Variants in DPYD observed in about 807,000 individuals in gnomAD.
DPYD encodes the protein dihydropyrimidine dehydrogenase, also known as dihydropyrimidine dehydrogenase [NADP(+)].
DPYD carries 109 observed loss-of-function variants against 116.2 expected under a neutral mutation model. The observed-to-expected ratio is 0.94, with a 90% confidence interval of 0.80 to 1.10. The LOEUF (loss-of-function observed/expected upper bound fraction) is 1.10, where lower values mean the gene tolerates loss of function less well. Among genes scored for constraint, DPYD ranks in the 50% least tolerant of loss-of-function variants. The pLI, the probability that DPYD is intolerant of heterozygous loss-of-function variation, is 0.00. For missense variants in DPYD, 1,302 were observed against 1,254.5 expected (o/e 1.04, Z -0.57); for synonymous variants, 440 against 432.0 (o/e 1.02, Z -0.23).
intron 16 of DPYD, among the ~76,000 whole-genome samples, chr1:97,364,038 GATATCT>G (rs562655220): frequency 2.6e-4 from 39 of 152,110 alleles, no homozygotes; most frequent in Middle Eastern, 3.4e-3. Flanking sequence ...AGTATTCCAT[GATATCT>G]ATATCTATAT....
intron 12 of DPYD, among the ~76,000 whole-genome samples, chr1:97,548,573 C>T (rs904668489): frequency 6.6e-6 from 1 of 151,892 alleles, no homozygotes; most frequent in East Asian, 1.9e-4. Context: ...CCCATCTCTA[C>T]TAAAAATACA....
At chr1:97,779,853 A>G (rs890947625) in intron 3 of DPYD, among the ~76,000 whole-genome samples, 1 of 151,936 alleles carries the variant, frequency 6.6e-6, no homozygotes, top group Non-Finnish European at 1.5e-5. Flanking sequence ...ACTAGAACCA[A>G]CTCTAACTTT....
At chr1:97,344,735 G>T (rs540405213) in intron 16 of DPYD, among the ~76,000 whole-genome samples, 1 of 151,822 alleles carries the variant, frequency 6.6e-6, no homozygotes, top group South Asian at 2.1e-4. Flanking sequence ...GTTACTCAAC[G>T]TTCTTTAAGG....
At chr1:97,476,733 A>C (rs138471800) in intron 13 of DPYD, among the ~76,000 whole-genome samples, 1 of 152,078 alleles carries the variant, frequency 6.6e-6, no homozygotes, top group South Asian at 2.1e-4. Flanking sequence ...CAACAAAAAT[A>C]CTAAAAAAAA....
chr1:97,476,730 A>C (rs1291959119), intron 13 of DPYD, among the ~76,000 whole-genome samples: 2 of 152,126 alleles, frequency 1.3e-5, no homozygotes, highest in Non-Finnish European at 2.9e-5. Context: ...TCGCAACAAA[A>C]ATACTAAAAA....
intron 11 of DPYD, among the ~76,000 whole-genome samples, chr1:97,567,607 C>A (rs957316202): frequency 6.6e-6 from 1 of 152,048 alleles, no homozygotes; most frequent in Non-Finnish European, 1.5e-5. Context: ...ATGCTGAGTC[C>A]CTCACCATTC....
chr1:97,282,381 C>T (rs1474704643), intron 18 of DPYD, among the ~76,000 whole-genome samples: 3 of 151,892 alleles, frequency 2.0e-5, no homozygotes, highest in Admixed American at 6.6e-5. Context: ...TTTATCTTTA[C>T]AAAGCTTTCC....
chr1:97,723,478 C>G (rs184265599), intron 4 of DPYD, among the ~76,000 whole-genome samples: 1 of 151,648 alleles, frequency 6.6e-6, no homozygotes, highest in Non-Finnish European at 1.5e-5. Context: ...TACACACACA[C>G]ACAAAAGTTC....
In DPYD at chr1:97,142,654, TA is replaced by T. The variant is rs550609044; in HGVS notation, c.2623-44023del. 7.4e-3 allele frequency among the ~76,000 whole-genome samples: 1,120 copies of T among 152,244 alleles called. 17 individuals carry two copies. Among genetic ancestry groups the T allele is most frequent in the African/African-American group, 0.025 (1,029 of 41,576 alleles). On this transcript the variant is annotated intron_variant, in intron 20 of 22. Transcript: ENST00000370192. ...TATAAAACTTTACATAATAATCTGT[TA>T]TTTTTTTTTACAGAAAAATAGCAAT...
chr1:97,821,546 C>CTA (rs1459321559), intron 3 of DPYD, among the ~76,000 whole-genome samples: 3 of 152,178 alleles, frequency 2.0e-5, no homozygotes, highest in South Asian at 2.1e-4. Flanking sequence ...CATTATCATA[C>CTA]TATAAACCAG....
intron 13 of DPYD, among the ~76,000 whole-genome samples, chr1:97,460,579 C>T (rs1037089802): frequency 6.6e-5 from 10 of 152,212 alleles, no homozygotes; most frequent in Admixed American, 2.0e-4. Context: ...TCTCTCTGGC[C>T]TTCTCCCAGC....
chr1:97,155,040 CT>C (rs1321684014), intron 20 of DPYD, among the ~76,000 whole-genome samples: 1 of 152,170 alleles, frequency 6.6e-6, no homozygotes, highest in Non-Finnish European at 1.5e-5. Flanking sequence ...GCTATAAAGG[CT>C]GTCTGAACTT....
At chr1:97,810,397 A>G (rs1668298615) in intron 3 of DPYD, among the ~76,000 whole-genome samples, 1 of 151,974 alleles carries the variant, frequency 6.6e-6, no homozygotes, top group African/African-American at 2.4e-5. Context: ...TTAAATAATT[A>G]TATAGCATAT....
At chr1:97,900,402 G>C (rs1427388924) in intron 1 of DPYD, among the ~76,000 whole-genome samples, 1 of 151,820 alleles carries the variant, frequency 6.6e-6, no homozygotes, top group Admixed American at 6.6e-5. Flanking sequence ...GGTCAACTAG[G>C]TATGGGAAGG....
intron 4 of DPYD, among the ~76,000 whole-genome samples, chr1:97,732,473 C>CAA (rs751262032): frequency 2.0e-4 from 11 of 55,094 alleles, no homozygotes; most frequent in African/African-American, 4.0e-4. Context: ...GACTCCATCT[C>CAA]AAAAAAAAAA....
intron 18 of DPYD, among the ~76,000 whole-genome samples, chr1:97,277,435 C>T (rs1665013783): frequency 6.6e-6 from 1 of 151,912 alleles, no homozygotes; most frequent in Non-Finnish European, 1.5e-5. Flanking sequence ...ACAAAATGCC[C>T]CTCAAATCAG....
rs368405383 is a variant in DPYD, at chr1:97,608,395, G to A, written c.851-13229C>T. On this transcript the variant is annotated intron_variant, in intron 8 of 22. Coordinates refer to ENST00000370192, the MANE Select transcript of DPYD (RefSeq NM_000110.4). ...GGAGGTGTTGTTTTTCTACTAGTGG[G>A]TTTGGAAATCCCACAGAAGGGTACA... is the stretch of plus-strand genomic sequence containing the variant. Among the ~76,000 whole-genome samples the A allele has an allele frequency of 9.0e-4, 137 of 152,004 alleles. 5 individuals carry two copies. The South Asian group carries it at 0.027, about 30-fold the overall frequency.
chr1:97,430,643 A>T (rs937414888), intron 14 of DPYD, among the ~76,000 whole-genome samples: 1 of 152,084 alleles, frequency 6.6e-6, no homozygotes, highest in Non-Finnish European at 1.5e-5. Flanking sequence ...ACTATGATGC[A>T]CATAAAAGAG....
chr1:97,746,306 T>C (rs527905693), intron 3 of DPYD, among the ~76,000 whole-genome samples: 13 of 152,250 alleles, frequency 8.5e-5, no homozygotes, highest in Admixed American at 7.8e-4. Context: ...GATTTAGCTG[T>C]TTGTGCTGGA....
Sources: gnomAD v4.1 joint callset for allele counts (sites outside exome capture counted in the v4.1 genomes callset) on GRCh38, gnomAD v4.1.1 for gene constraint, MANE v1.5 for transcripts, NCBI Gene and HGNC (gene_info 2026-07-23, HGNC 2026-07-21) for gene names.